Variants in NKD1 observed in about 807,000 individuals in gnomAD.
NKD1 encodes NKD inhibitor of Wnt signaling pathway 1.
A neutral mutation model predicts 56.0 loss-of-function variants in NKD1; 21 were observed. The observed-to-expected ratio is 0.38, with a 90% confidence interval of 0.27 to 0.54. The LOEUF (loss-of-function observed/expected upper bound fraction) is 0.54. Among genes scored for constraint, NKD1 ranks in the 20% least tolerant of loss-of-function variants. The probability of loss-of-function intolerance (pLI) is 0.82; values close to 1 mark genes in which losing one functional copy is unlikely to be tolerated. For missense variants in NKD1, 578 were observed against 642.7 expected, an observed-to-expected ratio of 0.90 and a Z score of 1.09; for synonymous variants, 263 against 265.7, an observed-to-expected ratio of 0.99 and a Z score of 0.10.
At chr16:50,627,380 C>T (rs1962246395) in intron 6 of NKD1, among the ~76,000 whole-genome samples, 1 of 152,184 alleles carries the variant, frequency 6.6e-6, no homozygotes, top group African/African-American at 2.4e-5. Context: ...TTGTCCTTCA[C>T]TGCTTTGATA....
chr16:50,577,218 GA>G (rs1961011608), intron 3 of NKD1, among the ~76,000 whole-genome samples: 1 of 151,920 alleles, frequency 6.6e-6, no homozygotes, highest in South Asian at 2.1e-4. Flanking sequence ...GAGATAGTAG[GA>G]ATACCTTCCC....
intron 7 of NKD1, among the ~76,000 whole-genome samples, chr16:50,630,612 A>T (rs891194053): frequency 6.6e-6 from 1 of 150,394 alleles, no homozygotes; most frequent in African/African-American, 2.5e-5. Context: ...GGCCAGCTGG[A>T]AGGAGGTGAG....
chr16:50,609,765 C>T (rs1023508764), intron 4 of NKD1, among the ~76,000 whole-genome samples: 1 of 152,204 alleles, frequency 6.6e-6, no homozygotes. Context: ...TGGAGGCAGG[C>T]TGGAGAGCCA....
At chr16:50,571,579 C>T (rs1960884808) in intron 3 of NKD1, 1 of 966,152 alleles carries the variant, frequency 1.0e-6, no homozygotes, top group African/African-American at 1.8e-5. Flanking sequence ...ATCTGTTGCT[C>T]AGAGAGGCAT....
intron 4 of NKD1, chr16:50,615,909 C>T: frequency 2.6e-6 from 1 of 385,380 alleles, no homozygotes; most frequent in South Asian, 1.9e-5. Context: ...CTAAGGAGAG[C>T]CTGATACAGA....
At chr16:50,612,811 C>G (rs1044013425) in intron 4 of NKD1, among the ~76,000 whole-genome samples, 2 of 152,094 alleles carry the variant, frequency 1.3e-5, no homozygotes, top group Non-Finnish European at 2.9e-5. Context: ...TGGGACCACG[C>G]CCTTAGGTTG....
At chr16:50,629,763 TCAAA>T (rs373990526) in intron 6 of NKD1, among the ~76,000 whole-genome samples, 215 of 152,136 alleles carry the variant, frequency 1.4e-3, no homozygotes, top group Middle Eastern at 6.8e-3. Flanking sequence ...GACCCCCATC[TCAAA>T]CAAACAAACA....
intron 3 of NKD1, chr16:50,556,868 C>T (rs1596703412): frequency 6.6e-6 from 1 of 151,878 alleles, no homozygotes; most frequent in African/African-American, 2.4e-5. Context: ...ACCACTGTGC[C>T]CAGCCTTATA....
intron 3 of NKD1, among the ~76,000 whole-genome samples, chr16:50,582,765 T>C (rs549478123): frequency 6.6e-6 from 1 of 152,334 alleles, no homozygotes; most frequent in Admixed American, 6.5e-5. Context: ...TCCTAGCACT[T>C]TGGGAGGCCG....
intron 4 of NKD1, among the ~76,000 whole-genome samples, chr16:50,613,429 A>T (rs1961891421): frequency 6.6e-6 from 1 of 151,606 alleles, no homozygotes; most frequent in African/African-American, 2.4e-5. Context: ...GGCAGCAGGG[A>T]CCCCCAGATG....
At chr16:50,589,593 C>T (rs1039605459) in intron 3 of NKD1, among the ~76,000 whole-genome samples, 2 of 152,214 alleles carry the variant, frequency 1.3e-5, no homozygotes, top group African/African-American at 4.8e-5. Context: ...GGGTTCATCC[C>T]TCCAGAGGTG....
intron 3 of NKD1, among the ~76,000 whole-genome samples, chr16:50,596,626 C>T (rs1338914795): frequency 2.0e-5 from 3 of 152,208 alleles, no homozygotes; most frequent in East Asian, 1.9e-4. Flanking sequence ...AAATGCAGGG[C>T]GTGTTTTTCT....
At chr16:50,605,504 T>C (rs1414466699) in intron 3 of NKD1, among the ~76,000 whole-genome samples, 3 of 152,200 alleles carry the variant, frequency 2.0e-5, no homozygotes, top group Non-Finnish European at 4.4e-5. Context: ...ATTTGTTGAT[T>C]CAGCCAACCA....
intron 3 of NKD1, among the ~76,000 whole-genome samples, chr16:50,564,177 G>T (rs112124455): frequency 6.6e-6 from 1 of 152,228 alleles, no homozygotes; most frequent in Admixed American, 6.5e-5. Flanking sequence ...CTGGCTGGCC[G>T]CAGCCATGGC....
At position 50,633,704 on chromosome 16, in the gene NKD1, G is replaced by A. The variant is rs780793301; in HGVS notation, c.1336G>A (p.Gly446Arg). 9.4e-6 allele frequency: 15 copies of A among 1,589,022 alleles called. No individual in the cohort carries two copies. The highest frequency in any genetic ancestry group is 2.3e-5 in the East Asian group (1 of 43,570). ...CTTGGTGGTGTATGAGAGCCAGGCC[G>A]GGCAGCCGGTCCAGAGACATGAGCA... is the stretch of plus-strand genomic sequence containing the variant. ...PALVVYESQA[G>R]QPVQRHEHHH... Residue 446 changes from glycine to arginine, a missense_variant, in exon 10 of 10, where the codon GGG (glycine) becomes AGG (arginine). Coordinates refer to ENST00000268459, the MANE Select transcript of NKD1 (RefSeq NM_033119.5). This position sits in a 1 kb window ranked among gnomAD's most constrained non-coding sequence, Gnocchi z 4.9.
At chr16:50,622,501 C>T (rs1567352022) in intron 5 of NKD1, among the ~76,000 whole-genome samples, 1 of 152,208 alleles carries the variant, frequency 6.6e-6, no homozygotes. Context: ...CTCCTTCCCT[C>T]TGTTTGCCTT....
At chr16:50,631,096 T>C (rs146030230) in intron 8 of NKD1, among the ~76,000 whole-genome samples, 186 bp downstream of exon 8, 2 of 152,362 alleles carry the variant, frequency 1.3e-5, no homozygotes, top group African/African-American at 4.8e-5. Context: ...CATCCTTTTA[T>C]GGAACACATC....
chr16:50,568,325 A>G (rs1163971628), intron 3 of NKD1, among the ~76,000 whole-genome samples: 1 of 152,136 alleles, frequency 6.6e-6, no homozygotes, highest in East Asian at 1.9e-4. Context: ...CAGAGAGGGG[A>G]AGAAACTGAG....
chr16:50,609,261 C>T (rs1961788288), intron 4 of NKD1, among the ~76,000 whole-genome samples: 1 of 152,262 alleles, frequency 6.6e-6, no homozygotes, highest in Admixed American at 6.5e-5. Context: ...TCAGCTTCCA[C>T]ATCTATAGAA....
Sources: allele counts gnomAD v4.1 joint callset (sites outside exome capture counted in the v4.1 genomes callset), GRCh38; gene constraint gnomAD v4.1.1; non-coding constraint Gnocchi (gnomAD v3.1); transcripts MANE v1.5; gene names NCBI Gene and HGNC (gene_info 2026-07-23, HGNC 2026-07-21).